The following CYP2J2 variants were observed in gnomAD, a reference collection of about 807,000 sequenced individuals.
CYP2J2 encodes the protein cytochrome P450 2J2.
In CYP2J2, 41 loss-of-function variants were observed where a neutral mutation model predicts 48.8. That is an observed-to-expected ratio of 0.84 (90% CI 0.66 to 1.09). The LOEUF (loss-of-function observed/expected upper bound fraction) is 1.09, where lower values mean the gene tolerates loss of function less well. CYP2J2 is among the 50% of genes least tolerant of loss of function. The pLI is 0.00. For missense variants in CYP2J2, 644 were observed against 617.3 expected, an observed-to-expected ratio of 1.04 and a Z score of -0.46; for synonymous variants, 221 against 227.1, an observed-to-expected ratio of 0.97 and a Z score of 0.24.
the CYP2J2 span, among the ~76,000 whole-genome samples, chr1:59,951,816 G>A: frequency 1.3e-5 from 2 of 152,080 alleles, no homozygotes; most frequent in African/African-American, 4.8e-5. Context: ...TCTGGCCCTT[G>A]GTGTAATACC....
intron 1 of CYP2J2, 48 bp downstream of exon 1, chr1:59,926,489 G>A: frequency 3.9e-6 from 6 of 1,528,010 alleles, no homozygotes; most frequent in Non-Finnish European, 5.4e-6. Flanking sequence ...TTGTGCTGCA[G>A]AACAGAGTTA....
the CYP2J2 span, among the ~76,000 whole-genome samples, chr1:59,955,060 C>T: frequency 6.6e-6 from 1 of 151,546 alleles, no homozygotes; most frequent in Non-Finnish European, 1.5e-5. Flanking sequence ...ATTGCTTGAG[C>T]CTGGGAGGCG....
chr1:59,904,033 A>G (rs959556175), intron 7 of CYP2J2, among the ~76,000 whole-genome samples: 7 of 152,230 alleles, frequency 4.6e-5, no homozygotes, highest in African/African-American at 1.2e-4. Context: ...TCCCTTCCCA[A>G]TAATGAATAT....
the CYP2J2 span, among the ~76,000 whole-genome samples, chr1:59,945,556 T>C: frequency 6.6e-6 from 1 of 152,210 alleles, no homozygotes; most frequent in African/African-American, 2.4e-5. Flanking sequence ...ATGAGCCTTT[T>C]TTAAATTATA....
upstream of CYP2J2, among the ~76,000 whole-genome samples, chr1:59,927,097 T>C (rs1325288653): frequency 3.9e-5 from 6 of 152,176 alleles, no homozygotes; most frequent in South Asian, 1.0e-3. Flanking sequence ...TCTTACTATA[T>C]GCCAGGCAGC....
At chr1:59,962,143 C>G in the CYP2J2 span, among the ~76,000 whole-genome samples, 1 of 151,832 alleles carries the variant, frequency 6.6e-6, no homozygotes, top group South Asian at 2.1e-4. Flanking sequence ...AAAGCTGTGG[C>G]TATATTAAAA....
the CYP2J2 span, among the ~76,000 whole-genome samples, chr1:59,935,041 T>TATACATATATATATATATAC: frequency 9.7e-6 from 1 of 103,102 alleles, no homozygotes; most frequent in East Asian, 2.4e-4. Flanking sequence ...TATATATATA[T>TATACATATATATATATATAC]ATATATATAT....
the CYP2J2 span, among the ~76,000 whole-genome samples, chr1:59,939,983 C>T: frequency 2.8e-4 from 42 of 152,196 alleles, no homozygotes; most frequent in African/African-American, 9.9e-4. Flanking sequence ...CAGTGGGTTC[C>T]CTCCTGGGCC....
intron 2 of CYP2J2, among the ~76,000 whole-genome samples, chr1:59,915,693 T>C (rs1241233800): frequency 3.3e-5 from 5 of 152,186 alleles, no homozygotes; most frequent in Non-Finnish European, 5.9e-5. Context: ...TATAAAAGCA[T>C]CCAGAGTAGG....
intron 7 of CYP2J2, among the ~76,000 whole-genome samples, chr1:59,903,193 G>C (rs1644335672): frequency 6.6e-6 from 1 of 152,100 alleles, no homozygotes; most frequent in Non-Finnish European, 1.5e-5. Context: ...GTGCCCAATG[G>C]GTAAGCTCTT....
At chr1:59,959,823 A>C in the CYP2J2 span, among the ~76,000 whole-genome samples, 1 of 152,124 alleles carries the variant, frequency 6.6e-6, no homozygotes, top group Non-Finnish European at 1.5e-5. Context: ...ATGTGTTCTC[A>C]CTTATAAGTG....
intron 8 of CYP2J2, among the ~76,000 whole-genome samples, chr1:59,895,771 G>C (rs1486856507): frequency 1.3e-5 from 2 of 152,120 alleles, no homozygotes; most frequent in Non-Finnish European, 2.9e-5. Context: ...TCTAGCATTA[G>C]GTATATCTCT....
intron 4 of CYP2J2, among the ~76,000 whole-genome samples, chr1:59,910,173 G>A (rs1003760292): frequency 9.9e-5 from 15 of 151,646 alleles, no homozygotes; most frequent in Non-Finnish European, 1.6e-4. Flanking sequence ...TCTCACCACC[G>A]CAACAGCTTG....
chr1:59,914,056 A>T (rs1487106806), intron 2 of CYP2J2, among the ~76,000 whole-genome samples: 2 of 152,098 alleles, frequency 1.3e-5, no homozygotes, highest in African/African-American at 4.8e-5. Flanking sequence ...TGTCTGCCAG[A>T]TTGTTTCACC....
chr1:59,915,544 G>C, intron 2 of CYP2J2, among the ~76,000 whole-genome samples: 1 of 152,158 alleles, frequency 6.6e-6, no homozygotes. Flanking sequence ...TAATGAAAGA[G>C]AATAAGGAAA....
intron 8 of CYP2J2, among the ~76,000 whole-genome samples, chr1:59,894,847 C>T (rs1281338491): frequency 6.6e-6 from 1 of 152,096 alleles, no homozygotes; most frequent in Non-Finnish European, 1.5e-5. Flanking sequence ...TAAAAGATGA[C>T]CTCTAAAGAA....
chr1:59,926,635 G>T lies in CYP2J2; in HGVS notation c.112C>A (p.Arg38=), dbSNP rs1644567889. The T allele has an allele frequency of 6.2e-7, 1 of 1,614,096 alleles. No homozygotes were observed. The highest frequency in any genetic ancestry group is 1.3e-5 in the African/African-American group (1 of 74,938). Reference sequence around the variant, plus strand: ...CCCGGCGGGTAGTTCTTTGGGCGCCGTCTTTTGAGAAAGTCAGCAGCGAGC... The same window carrying T: ...CCCGGCGGGTAGTTCTTTGGGCGCCTTCTTTTGAGAAAGTCAGCAGCGAGC... ...FLLAADFLKR[R]RPKNYPPGPW... Residue 38 remains arginine, a synonymous_variant, in exon 1 of 9, where the codon CGG becomes AGG. Coordinates refer to ENST00000371204, the MANE Select transcript of CYP2J2 (RefSeq NM_000775.4).
chr1:59,906,603 A>C (rs1644367314), intron 6 of CYP2J2, among the ~76,000 whole-genome samples: 1 of 151,922 alleles, frequency 6.6e-6, no homozygotes, highest in Non-Finnish European at 1.5e-5. Flanking sequence ...TTAGGCAATC[A>C]CTCTCCAGAA....
the CYP2J2 span, among the ~76,000 whole-genome samples, chr1:59,935,025 T>TATATATATATATATATATATATATAC: frequency 1.5e-4 from 13 of 85,830 alleles, no homozygotes; most frequent in South Asian, 2.0e-3. Flanking sequence ...CATATATATA[T>TATATATATATATATATATATATATAC]ATATATATAT....
Sources: allele counts gnomAD v4.1 joint callset (sites outside exome capture counted in the v4.1 genomes callset), GRCh38; gene constraint gnomAD v4.1.1; transcripts MANE v1.5; gene names NCBI Gene and HGNC (gene_info 2026-07-23, HGNC 2026-07-21).